The following RASSF8 variants were observed in gnomAD, a reference collection of about 807,000 sequenced individuals.
RASSF8 encodes ras association domain-containing protein 8.
A neutral mutation model predicts 48.5 loss-of-function variants in RASSF8; 22 were observed. The observed-to-expected ratio is 0.45, with a 90% CI of 0.32 to 0.65. RASSF8 has a LOEUF of 0.65. Ranked by LOEUF, RASSF8 falls within the 30% of genes least tolerant of loss-of-function variation. The pLI, the probability that RASSF8 is intolerant of heterozygous loss-of-function variation, is 0.03. For missense variants in RASSF8, 418 were observed against 489.2 expected (o/e 0.85, Z 1.37); for synonymous variants, 127 against 171.5 (o/e 0.74, Z 2.03).
At chr12:25,962,117 T>C (rs1232057751) in intron 1 of RASSF8, among the ~76,000 whole-genome samples, 1 of 152,198 alleles carries the variant, frequency 6.6e-6, no homozygotes, top group Non-Finnish European at 1.5e-5. Flanking sequence ...AACACATTTA[T>C]TTATTTTTGG....
At chr12:25,971,115 C>G (rs528200404) in intron 1 of RASSF8, among the ~76,000 whole-genome samples, 1 of 152,312 alleles carries the variant, frequency 6.6e-6, no homozygotes, top group Admixed American at 6.5e-5. Flanking sequence ...ACTAAGAGGT[C>G]TTTAAGCTTG....
At position 26,067,825 on chromosome 12, in the gene RASSF8, G is replaced by T. The variant is rs534622042; in HGVS notation, c.1138+112G>T. 7.2e-5 allele frequency: 98 copies of T among 1,367,740 alleles called. 2 individuals are homozygous for T. The Admixed American group carries it at 1.9e-3, about 26-fold the overall frequency. 84.7% of individuals were successfully genotyped at this position (1,367,740 alleles called of 1,614,324 possible). ...TATCGCCCAGGCTGGAATGCCAGGG[G>T]TATTACCACGGCTTACTGCAGCCTC... On this transcript the variant is annotated intron_variant, in intron 5 of 5. Transcript: ENST00000689635.
rs74071351 is a variant in RASSF8 at position 25,997,760 on chromosome 12, A to G, written c.-109+2630A>G. ...TTGGAATCCAGGCCTGAAGAATTTCAGTGACAATAAACATTCCAATTGCAT... is the reference window on the plus strand; with the variant it reads ...TTGGAATCCAGGCCTGAAGAATTTCGGTGACAATAAACATTCCAATTGCAT... On this transcript the variant is annotated intron_variant, in intron 2 of 5. Coordinates refer to ENST00000689635, the MANE Select transcript of RASSF8 (RefSeq NM_001394098.1). Among the ~76,000 whole-genome samples the G allele has an allele frequency of 8.8e-3, 1,342 of 152,316 alleles. 24 individuals are homozygous for G. Among genetic ancestry groups the G allele is most frequent in the African/African-American group, 0.031 (1,283 of 41,566 alleles).
intron 1 of RASSF8, among the ~76,000 whole-genome samples, chr12:25,991,805 A>G (rs1592241092): frequency 6.6e-6 from 1 of 152,338 alleles, no homozygotes; most frequent in South Asian, 2.1e-4. Flanking sequence ...GGAGAAGAAT[A>G]CACAAGGGTG....
intron 5 of RASSF8, among the ~76,000 whole-genome samples, chr12:26,068,465 A>T (rs1255752705): frequency 1.3e-5 from 2 of 152,214 alleles, no homozygotes; most frequent in African/African-American, 4.8e-5. Context: ...AAAAAGAAGC[A>T]GAATATTCAC....
chr12:26,078,679 T>C (rs968646858), intron 5 of RASSF8, among the ~76,000 whole-genome samples: 1 of 152,270 alleles, frequency 6.6e-6, no homozygotes, highest in African/African-American at 2.4e-5. Context: ...GATGTCCTTC[T>C]ATGAATAGAC....
Position 26,072,136 on chromosome 12 carries a change from T to C in RASSF8, c.*3318T>C. The C allele has an allele frequency of 1.0e-6, 1 of 984,494 alleles. No individual in the cohort carries two copies. The highest frequency in any genetic ancestry group is 1.2e-6 in the Non-Finnish European group (1 of 829,056). 61.0% of individuals were successfully genotyped at this position (984,494 alleles called of 1,614,324 possible). A position where few individuals can be genotyped will look rare whatever the true frequency, so the allele number is the denominator to read the frequency against. On this transcript the variant is annotated 3_prime_UTR_variant, in exon 6 of 6. Coordinates refer to ENST00000689635, the MANE Select transcript of RASSF8 (RefSeq NM_001394098.1). ...TGCCTTTGATAAATTTGGCCTTAAT[T>C]TATATAACGATGCTGTGTTCACATC... is the stretch of plus-strand genomic sequence containing the variant.
At chr12:26,016,870 T>G (rs917941727) in intron 2 of RASSF8, among the ~76,000 whole-genome samples, 1 of 152,214 alleles carries the variant, frequency 6.6e-6, no homozygotes, top group Non-Finnish European at 1.5e-5. Flanking sequence ...TGAAGTTCAT[T>G]CATTAGTTGA....
At chr12:26,016,541 C>T (rs1942653949) in intron 2 of RASSF8, among the ~76,000 whole-genome samples, 1 of 152,124 alleles carries the variant, frequency 6.6e-6, no homozygotes, top group African/African-American at 2.4e-5. Flanking sequence ...TTGTTATCTA[C>T]ATGTAAGAAT....
intron 1 of RASSF8, among the ~76,000 whole-genome samples, chr12:25,988,600 C>A (rs925186591): frequency 6.6e-6 from 1 of 152,176 alleles, no homozygotes; most frequent in African/African-American, 2.4e-5. Flanking sequence ...CCCTCTCCCT[C>A]ATGACTAAAC....
chr12:26,037,157 G>C (rs755664481), intron 2 of RASSF8, among the ~76,000 whole-genome samples: 15 of 152,294 alleles, frequency 9.8e-5, no homozygotes, highest in Non-Finnish European at 2.1e-4. Flanking sequence ...TGACAGTGCT[G>C]TACCCAGGGC....
In RASSF8 at chr12:26,055,477, G is replaced by A. The variant is rs1026903200; in HGVS notation, c.103+31G>A. ...TGAACTCTGTGGGTATCTGAGAAAA[G>A]TACATTGTGCTTTCTTTCGTTGTAT... On this transcript the variant is annotated intron_variant, in intron 3 of 5. Coordinates refer to ENST00000689635, the MANE Select transcript of RASSF8 (RefSeq NM_001394098.1). 4 of 1,521,460 alleles carry A rather than the reference G, an allele frequency of 2.6e-6. No homozygotes were observed. The African/African-American group carries it at 5.5e-5, about 21-fold the overall frequency. 94.2% of individuals were successfully genotyped at this position (1,521,460 alleles called of 1,614,324 possible).
Position 26,064,773 on chromosome 12 carries a change from A to C in RASSF8, c.379A>C (p.Arg127=), listed in dbSNP as rs1343518364. 4.3e-6 allele frequency: 7 copies of C among 1,614,244 alleles called. No homozygotes were observed. Among genetic ancestry groups the C allele is most frequent in the Non-Finnish European group, 5.9e-6 (7 of 1,180,036 alleles). Residue 127 remains arginine, a synonymous_variant, in exon 4 of 6, where the codon AGG becomes CGG. Transcript: ENST00000689635. ...ATCAATCAAAAGGAGGGAACCGAAAAGGAAATCACTGACATTTACAGGAGG... is the reference window on the plus strand; with the variant it reads ...ATCAATCAAAAGGAGGGAACCGAAACGGAAATCACTGACATTTACAGGAGG... ...DKSIKRREPK[R]KSLTFTGGAK...
At chr12:26,016,960 G>A (rs1942665890) in intron 2 of RASSF8, among the ~76,000 whole-genome samples, 1 of 152,046 alleles carries the variant, frequency 6.6e-6, no homozygotes, top group Non-Finnish European at 1.5e-5. Flanking sequence ...AACTAGACAA[G>A]TATTTTTTTC....
rs1303701558 is a variant in RASSF8 at position 25,958,753 on chromosome 12, C to G, written c.-598C>G. Among the ~76,000 whole-genome samples, 3 of 146,206 alleles carry G rather than the reference C, an allele frequency of 2.1e-5. No homozygotes were observed. The highest frequency in any genetic ancestry group is 4.6e-5 in the Non-Finnish European group (3 of 65,794). On this transcript the variant is annotated 5_prime_UTR_variant, in exon 1 of 6. Coordinates refer to ENST00000689635, the MANE Select transcript of RASSF8 (RefSeq NM_001394098.1). Reference sequence around the variant, plus strand: ...GCGCTCCTCCTACGCCCGCGCTCGTCCGGCGCCCCGCGCCGCGCCCCGCTC... The same window carrying G: ...GCGCTCCTCCTACGCCCGCGCTCGTGCGGCGCCCCGCGCCGCGCCCCGCTC...
At chr12:25,983,872 C>A (rs1041909661) in intron 1 of RASSF8, among the ~76,000 whole-genome samples, 1 of 152,144 alleles carries the variant, frequency 6.6e-6, no homozygotes, top group Non-Finnish European at 1.5e-5. Context: ...CGAGCCTCAA[C>A]CCATACCCGT....
intron 2 of RASSF8, among the ~76,000 whole-genome samples, chr12:26,053,937 C>T (rs1203962833): frequency 6.6e-6 from 1 of 152,166 alleles, no homozygotes; most frequent in African/African-American, 2.4e-5. Context: ...ACCAGATGGC[C>T]TAGAACTGTC....
chr12:26,061,324 GTTTTC>G (rs1291248994), intron 3 of RASSF8, among the ~76,000 whole-genome samples: 3 of 151,978 alleles, frequency 2.0e-5, no homozygotes, highest in Non-Finnish European at 2.9e-5. Flanking sequence ...CTGTTATCCT[GTTTTC>G]TTTTAATTTA....
At chr12:26,062,858 C>T (rs375281935) in intron 3 of RASSF8, among the ~76,000 whole-genome samples, 2 of 152,102 alleles carry the variant, frequency 1.3e-5, no homozygotes, top group Admixed American at 6.6e-5. Flanking sequence ...TCAGAATCTG[C>T]GAAGCGTTTT....
Sources: allele counts gnomAD v4.1 joint callset (sites outside exome capture counted in the v4.1 genomes callset), GRCh38; gene constraint gnomAD v4.1.1; transcripts MANE v1.5; gene names NCBI Gene and HGNC (gene_info 2026-07-23, HGNC 2026-07-21).